PAK5: variants seen among roughly 807,000 people sequenced by gnomAD.
PAK5 encodes p21 (RAC1) activated kinase 5.
Under a neutral mutation model 65.9 loss-of-function variants are expected in PAK5, and 16 were observed. The ratio of observed to expected loss-of-function variants is 0.24; its 90% CI spans 0.16 to 0.37. PAK5 has a LOEUF of 0.37. Among genes scored for constraint, PAK5 ranks in the 10% least tolerant of loss-of-function variants. PAK5 has a pLI of 1.00. For missense variants in PAK5, 785 were observed against 903.9 expected, an observed-to-expected ratio of 0.87 and a Z score of 1.69; for synonymous variants, 371 against 354.9, an observed-to-expected ratio of 1.05 and a Z score of -0.51.
At chr20:9,737,172 C>T (rs1387890470) in intron 1 of PAK5, among the ~76,000 whole-genome samples, 1 of 151,276 alleles carries the variant, frequency 6.6e-6, no homozygotes, top group Admixed American at 6.6e-5. Flanking sequence ...TCAATAATCA[C>T]ATTAAATGTA....
chr20:9,642,099 G>A (rs1215472185), intron 3 of PAK5, among the ~76,000 whole-genome samples: 1 of 152,230 alleles, frequency 6.6e-6, no homozygotes, highest in Non-Finnish European at 1.5e-5. Flanking sequence ...CCAGGCAGGG[G>A]AGGTGCCGAG....
chr20:9,588,464 T>C (rs188052349), intron 3 of PAK5, among the ~76,000 whole-genome samples: 107 of 152,290 alleles, frequency 7.0e-4, no homozygotes, highest in East Asian at 4.2e-3. Flanking sequence ...AAAATGTAAA[T>C]GTTTGTTAAA....
intron 1 of PAK5, among the ~76,000 whole-genome samples, chr20:9,761,993 A>G (rs12625580): frequency 0.2 from 30,641 of 152,118 alleles, 3,530 homozygotes; most frequent in East Asian, 0.29. Context: ...TGACAAGGGC[A>G]GCAAGAATAC....
intron 2 of PAK5, among the ~76,000 whole-genome samples, chr20:9,673,778 C>A (rs1284707773): frequency 6.6e-6 from 1 of 152,066 alleles, no homozygotes; most frequent in African/African-American, 2.4e-5. Context: ...CCCACAGACC[C>A]CCTCTGGGAA....
chr20:9,822,343 C>G (rs1339793805), intron 1 of PAK5, among the ~76,000 whole-genome samples: 3 of 149,684 alleles, frequency 2.0e-5, no homozygotes, highest in Admixed American at 1.3e-4. Flanking sequence ...AAATGATTTA[C>G]TCTTAGGAAT....
intron 3 of PAK5, among the ~76,000 whole-genome samples, chr20:9,591,032 A>G (rs1014635122): frequency 9.2e-5 from 14 of 152,230 alleles, no homozygotes; most frequent in African/African-American, 3.4e-4. Flanking sequence ...AATGACTGCC[A>G]TCAGTCCGTA....
intron 2 of PAK5, among the ~76,000 whole-genome samples, chr20:9,710,092 G>A (rs538603763): frequency 8.5e-5 from 13 of 152,196 alleles, no homozygotes; most frequent in African/African-American, 2.4e-4. Context: ...TAGTGTTGAA[G>A]TTATGCTTGA....
chr20:9,628,550 T>G (rs2046878610), intron 3 of PAK5, among the ~76,000 whole-genome samples: 1 of 152,242 alleles, frequency 6.6e-6, no homozygotes, highest in African/African-American at 2.4e-5. Context: ...AACATTATGT[T>G]TTCATTTGTC....
At chr20:9,643,060 G>T (rs1336868961) in intron 3 of PAK5, among the ~76,000 whole-genome samples, 3 of 152,050 alleles carry the variant, frequency 2.0e-5, no homozygotes, top group African/African-American at 7.2e-5. Flanking sequence ...CTCTTTCTTT[G>T]CATCCCTTTA....
intron 1 of PAK5, among the ~76,000 whole-genome samples, chr20:9,761,807 C>A (rs1034840878): frequency 2.0e-5 from 3 of 148,766 alleles, no homozygotes; most frequent in African/African-American, 7.5e-5. Context: ...TAAATACACA[C>A]AAGAATTTTT....
intron 3 of PAK5, among the ~76,000 whole-genome samples, chr20:9,606,970 CCAAT>C (rs2072371040): frequency 1.3e-5 from 2 of 151,986 alleles, no homozygotes; most frequent in Non-Finnish European, 2.9e-5. Flanking sequence ...CTTAAGAAAG[CCAAT>C]CAATTTTAGA....
chr20:9,764,782 T>C (rs1371425541), intron 1 of PAK5, among the ~76,000 whole-genome samples: 7 of 152,216 alleles, frequency 4.6e-5, no homozygotes, highest in Non-Finnish European at 8.8e-5. Flanking sequence ...GTGGTTATTT[T>C]TCTAGAGTAA....
Position 9,580,455 on chromosome 20 carries a change from G to A in PAK5, c.680C>T (p.Pro227Leu). 4 of 1,614,046 alleles carry A rather than the reference G, an allele frequency of 2.5e-6. No homozygotes were observed. Among genetic ancestry groups the A allele is most frequent in the East Asian group, 2.2e-5 (1 of 44,866 alleles). Residue 227 changes from proline (P) to leucine (L), a missense_variant, in exon 4 of 10, where the codon CCT becomes CTT. Around this residue, in one of 4 missense-constraint regions of PAK5, gnomAD observed 422 missense variants for 413.3 expected, o/e 1.02. Transcript: ENST00000353224. The stretch of plus-strand genomic sequence containing the variant: ...TGTGAATTGGAATGAATAATCCAGA[G>A]GGGAGCTACTCGAGGCTCTCTGATA... ...WEYQRASSSS[P>L]LDYSFQFTPS...
intron 2 of PAK5, among the ~76,000 whole-genome samples, chr20:9,678,392 C>T (rs1055204152): frequency 6.6e-6 from 1 of 152,084 alleles, no homozygotes; most frequent in Non-Finnish European, 1.5e-5. Context: ...ACGGTGAAAC[C>T]CCGTCTCTAC....
At chr20:9,812,534 T>C (rs557563282) in intron 1 of PAK5, among the ~76,000 whole-genome samples, 18 of 152,272 alleles carry the variant, frequency 1.2e-4, no homozygotes, top group African/African-American at 3.9e-4. Flanking sequence ...TAGTCTCCTA[T>C]AGAGTTAAAC....
chr20:9,567,484 A>T (rs2045702259), intron 4 of PAK5, among the ~76,000 whole-genome samples: 1 of 152,260 alleles, frequency 6.6e-6, no homozygotes, highest in Admixed American at 6.5e-5. Flanking sequence ...TTTCTCAATC[A>T]CACTAGTCAC....
chr20:9,725,302 C>T (rs1321101818), intron 1 of PAK5, among the ~76,000 whole-genome samples: 1 of 151,318 alleles, frequency 6.6e-6, no homozygotes, highest in Non-Finnish European at 1.5e-5. Flanking sequence ...CATTTAACTG[C>T]AATAAGGAAA....
At chr20:9,567,382 C>T (rs1027043189) in intron 4 of PAK5, among the ~76,000 whole-genome samples, 1 of 152,116 alleles carries the variant, frequency 6.6e-6, no homozygotes, top group Admixed American at 6.5e-5. Context: ...TACCATCCAC[C>T]CCAAGGACCT....
chr20:9,552,268 G>T (rs938880745), intron 7 of PAK5, among the ~76,000 whole-genome samples: 1 of 152,098 alleles, frequency 6.6e-6, no homozygotes, highest in Non-Finnish European at 1.5e-5. Flanking sequence ...TTTGAATTCC[G>T]GCCAATGAAT....
Sources: allele counts gnomAD v4.1 joint callset (sites outside exome capture counted in the v4.1 genomes callset), GRCh38; gene constraint gnomAD v4.1.1; regional missense constraint gnomAD v4.1.1; transcripts MANE v1.5; gene names NCBI Gene and HGNC (gene_info 2026-07-23, HGNC 2026-07-21).